The following NRXN1 variants were observed in gnomAD, a reference collection of about 807,000 sequenced individuals.
NRXN1 encodes neurexin 1.
NRXN1 carries 39 observed loss-of-function variants against 150.9 expected under a neutral mutation model. That is an observed-to-expected ratio of 0.26 (90% CI 0.20 to 0.34). The LOEUF (loss-of-function observed/expected upper bound fraction) is 0.34, where lower values mean the gene tolerates loss of function less well. Among genes scored for constraint, NRXN1 ranks in the 10% least tolerant of loss-of-function variants. The pLI, the probability that NRXN1 is intolerant of heterozygous loss-of-function variation, is 1.00. For synonymous variants in NRXN1, 924 were observed against 757.0 expected (o/e 1.22, Z -3.62); for missense variants, 1,815 against 1,949.9 (o/e 0.93, Z 1.30).
At chr2:50,971,805 TC>T in intron 2 of NRXN1, among the ~76,000 whole-genome samples, 1 of 152,222 alleles carries the variant, frequency 6.6e-6, no homozygotes. Flanking sequence ...AAAAATTCTT[TC>T]TCAACATAAT....
At chr2:50,717,405 C>A (rs1428023353) in intron 5 of NRXN1, among the ~76,000 whole-genome samples, 3 of 152,134 alleles carry the variant, frequency 2.0e-5, no homozygotes, top group Non-Finnish European at 4.4e-5. Flanking sequence ...GGTTGGGTTT[C>A]TGTTCTAGTT....
chr2:50,633,472 G>C (rs946261205), intron 5 of NRXN1, among the ~76,000 whole-genome samples: 1 of 151,832 alleles, frequency 6.6e-6, no homozygotes, highest in Non-Finnish European at 1.5e-5. Flanking sequence ...CCATCCATTC[G>C]TGTGCTTCAT....
At chr2:50,862,588 G>A (rs751095024) in intron 5 of NRXN1, among the ~76,000 whole-genome samples, 1 of 152,024 alleles carries the variant, frequency 6.6e-6, no homozygotes, top group Non-Finnish European at 1.5e-5. Context: ...CCATTGCAAC[G>A]CTGGGCAAGA....
intron 18 of NRXN1, among the ~76,000 whole-genome samples, chr2:50,121,215 G>T (rs374632617): frequency 6.6e-6 from 1 of 152,076 alleles, no homozygotes; most frequent in Non-Finnish European, 1.5e-5. Flanking sequence ...TGGAGACCGG[G>T]TTTCGCCATG....
chr2:50,250,894 T>C (rs1315456719), intron 17 of NRXN1, among the ~76,000 whole-genome samples: 1 of 151,338 alleles, frequency 6.6e-6, no homozygotes, highest in Non-Finnish European at 1.5e-5. Flanking sequence ...TTGTATTACA[T>C]ATGTAATTGT....
chr2:50,356,606 C>T (rs1284968976), intron 17 of NRXN1, among the ~76,000 whole-genome samples: 4 of 152,116 alleles, frequency 2.6e-5, no homozygotes, highest in Non-Finnish European at 5.9e-5. Context: ...GATCCAAAGA[C>T]CTCTGTGGAA....
intron 8 of NRXN1, among the ~76,000 whole-genome samples, chr2:50,566,405 A>T (rs1488537685): frequency 1.7e-5 from 2 of 120,610 alleles, no homozygotes; most frequent in Non-Finnish European, 1.6e-5. Context: ...CACCACGCCC[A>T]GCTATTTTTT....
At chr2:50,299,459 T>A (rs1479835352) in intron 17 of NRXN1, among the ~76,000 whole-genome samples, 2 of 152,004 alleles carry the variant, frequency 1.3e-5, no homozygotes, top group Non-Finnish European at 2.9e-5. Flanking sequence ...TTTAAATGTC[T>A]TTTTCCCCCT....
chr2:50,112,342 A>G (rs1166179513), intron 18 of NRXN1, among the ~76,000 whole-genome samples: 2 of 152,184 alleles, frequency 1.3e-5, no homozygotes, highest in Non-Finnish European at 2.9e-5. Flanking sequence ...TGAAATTTAC[A>G]TAGGAGGCAA....
chr2:50,862,289 AT>A (rs1676256186), intron 5 of NRXN1, among the ~76,000 whole-genome samples: 1 of 151,980 alleles, frequency 6.6e-6, no homozygotes, highest in African/African-American at 2.4e-5. Context: ...ACCTTGGACC[AT>A]TTTTATTCAG....
chr2:50,147,452 C>T (rs1225219194), intron 18 of NRXN1, among the ~76,000 whole-genome samples: 2 of 151,684 alleles, frequency 1.3e-5, no homozygotes, highest in Admixed American at 1.3e-4. Context: ...TTAGTGCATT[C>T]TATATGTGGG....
At chr2:50,872,534 A>G (rs1677935596) in intron 5 of NRXN1, among the ~76,000 whole-genome samples, 1 of 151,804 alleles carries the variant, frequency 6.6e-6, no homozygotes, top group African/African-American at 2.4e-5. Context: ...GACAAAGTAG[A>G]GGTTGACGGG....
At chr2:50,368,881 G>T (rs1572705272) in intron 17 of NRXN1, among the ~76,000 whole-genome samples, 1 of 151,896 alleles carries the variant, frequency 6.6e-6, no homozygotes, top group African/African-American at 2.4e-5. Context: ...GGAGTTTTTG[G>T]TTTTTCCCCT....
chr2:50,178,352 G>A (rs1307074422), intron 18 of NRXN1, among the ~76,000 whole-genome samples: 1 of 151,844 alleles, frequency 6.6e-6, no homozygotes, highest in Non-Finnish European at 1.5e-5. Context: ...GGTTGACTTA[G>A]AACTTGTCCT....
chr2:50,079,845 T>C (rs1293616869), intron 19 of NRXN1, among the ~76,000 whole-genome samples: 1 of 152,144 alleles, frequency 6.6e-6, no homozygotes, highest in East Asian at 1.9e-4. Flanking sequence ...AGGCCTTTAT[T>C]AACTTCTTCC....
intron 2 of NRXN1, among the ~76,000 whole-genome samples, chr2:50,946,772 C>A (rs554698194): frequency 6.6e-6 from 1 of 152,090 alleles, no homozygotes; most frequent in African/African-American, 2.4e-5. Context: ...CTGATTTAAA[C>A]TTTAAAAAAT....
intron 5 of NRXN1, among the ~76,000 whole-genome samples, chr2:50,682,142 C>T (rs577646751): frequency 1.3e-5 from 2 of 152,256 alleles, no homozygotes; most frequent in Admixed American, 1.3e-4. Context: ...AGAATTCACA[C>T]CTGGATTAAT....
intron 5 of NRXN1, among the ~76,000 whole-genome samples, chr2:50,729,298 A>G (rs1468273989): frequency 6.6e-6 from 1 of 152,224 alleles, no homozygotes; most frequent in African/African-American, 2.4e-5. Context: ...TCCCTCAATA[A>G]GGTATACACT....
At chr2:50,536,646 G>C (rs2093268074) in intron 10 of NRXN1, among the ~76,000 whole-genome samples, 1 of 152,106 alleles carries the variant, frequency 6.6e-6, no homozygotes, top group African/African-American at 2.4e-5. Context: ...GCAGCTCTCT[G>C]GGTGATTAAA....
Sources: allele counts gnomAD v4.1 joint callset (sites outside exome capture counted in the v4.1 genomes callset), GRCh38; gene constraint gnomAD v4.1.1; transcripts MANE v1.5; gene names NCBI Gene and HGNC (gene_info 2026-07-23, HGNC 2026-07-21).